The following PCDH11X variants were observed in gnomAD, a reference collection of about 807,000 sequenced individuals.
PCDH11X encodes protocadherin 11 X-linked, also known as protocadherin-11 X-linked.
Under a neutral mutation model 53.3 loss-of-function variants are expected in PCDH11X, and 18 were observed. That is an observed-to-expected ratio of 0.34 (90% CI 0.23 to 0.50). The LOEUF (loss-of-function observed/expected upper bound fraction) is 0.50. Among genes scored for constraint, PCDH11X ranks in the 20% least tolerant of loss-of-function variants. The pLI, the probability that PCDH11X is intolerant of heterozygous loss-of-function variation, is 0.98. For synonymous variants in PCDH11X, 279 were observed against 393.3 expected, an observed-to-expected ratio of 0.71 and a Z score of 3.44; for missense variants, 570 against 1,032.4, an observed-to-expected ratio of 0.55 and a Z score of 6.14.
chrX:92,388,604 A>T (rs1004641987), intron 9 of PCDH11X, among the ~76,000 whole-genome samples: 11 of 109,836 alleles, frequency 1.0e-4, no homozygotes, highest in Middle Eastern at 9.3e-3. Context: ...TTGCTGATTT[A>T]TAATTTCAGG....
At chrX:92,310,082 T>A (rs142467696) in intron 8 of PCDH11X, among the ~76,000 whole-genome samples, 1,291 of 112,122 alleles carry the variant, frequency 0.012, 8 homozygotes, top group Non-Finnish European at 0.018. Context: ...TTTCACCACC[T>A]GCTTCACTCT....
At chrX:92,388,977 CA>C (rs1479719125) in intron 9 of PCDH11X, among the ~76,000 whole-genome samples, 1 of 88,801 alleles carries the variant, frequency 1.1e-5, no homozygotes, top group South Asian at 6.3e-4. Flanking sequence ...ATTGGCTAAA[CA>C]TTATGATATA....
At chrX:91,930,034 T>C (rs1485328692) in intron 6 of PCDH11X, among the ~76,000 whole-genome samples, 1 of 109,548 alleles carries the variant, frequency 9.1e-6, no homozygotes, top group Non-Finnish European at 1.9e-5. Context: ...ATTATATAAT[T>C]AGTGTTAGCA....
intron 5 of PCDH11X, among the ~76,000 whole-genome samples, chrX:91,875,108 C>T (rs906138367): frequency 2.1e-4 from 23 of 109,815 alleles, no homozygotes; most frequent in Middle Eastern, 4.3e-3. Context: ...TTAAAGTCCT[C>T]CTCCGATCTT....
chrX:92,224,717 C>T (rs746981975), intron 7 of PCDH11X, among the ~76,000 whole-genome samples: 1 of 112,118 alleles, frequency 8.9e-6, no homozygotes, highest in Admixed American at 9.5e-5. Context: ...GCCCAATTCT[C>T]GAATGATTCA....
At chrX:92,206,066 C>CT (rs2066470617) in intron 7 of PCDH11X, among the ~76,000 whole-genome samples, 1 of 111,662 alleles carries the variant, frequency 9.0e-6, no homozygotes, top group South Asian at 3.7e-4. Flanking sequence ...ACAGGGAGTA[C>CT]TTTTTTCTTG....
At chrX:92,446,163 A>G (rs369895700) in intron 9 of PCDH11X, among the ~76,000 whole-genome samples, 102 of 110,302 alleles carry the variant, frequency 9.2e-4, no homozygotes, top group African/African-American at 3.2e-3. Context: ...TAAAAAAAAA[A>G]AAAAAAGAAT....
rs748463465 is a variant in PCDH11X at position 91,813,938 on chromosome X, G to C, written c.-45+2643G>C. ...TGAAGGTGCAATGTTGTTGTCAGCT[G>C]TAACAGGTTTTAATTATCTTTTTTA... is the stretch of plus-strand genomic sequence containing the variant. On this transcript the variant is annotated intron_variant, in intron 4 of 10. Transcript: ENST00000682573. Among the ~76,000 whole-genome samples the C allele has an allele frequency of 7.3e-4, 77 of 105,026 alleles. 1 individual carries two copies. Among genetic ancestry groups the C allele is most frequent in the African/African-American group, 2.6e-3 (74 of 28,984 alleles). The allele number at this position is 105,026 out of a possible 115,157, so 91.2% of individuals were successfully genotyped here.
intron 10 of PCDH11X, among the ~76,000 whole-genome samples, chrX:92,493,719 T>C (rs1275433559): frequency 2.0e-5 from 2 of 101,120 alleles, no homozygotes; most frequent in African/African-American, 7.3e-5. Flanking sequence ...TGATCTCGGC[T>C]CACTGCAACT....
chrX:92,406,459 C>G (rs1421943315), intron 9 of PCDH11X, among the ~76,000 whole-genome samples: 1 of 103,276 alleles, frequency 9.7e-6, no homozygotes, highest in Non-Finnish European at 1.9e-5. Flanking sequence ...ACTAGTCTAT[C>G]TGTCATGGAA....
chrX:92,381,362 T>C (rs1466966845), intron 8 of PCDH11X, among the ~76,000 whole-genome samples: 1 of 111,390 alleles, frequency 9.0e-6, no homozygotes, highest in Admixed American at 9.6e-5. Flanking sequence ...GTAAAAAAGA[T>C]GAAACAAACA....
chrX:91,875,596 GA>G (rs1264837947), intron 5 of PCDH11X, among the ~76,000 whole-genome samples: 5 of 110,580 alleles, frequency 4.5e-5, no homozygotes, highest in Non-Finnish European at 7.6e-5. Context: ...CGGCCGAGGG[GA>G]TTGTTTTTTA....
chrX:92,293,814 A>C (rs780737541), intron 8 of PCDH11X, among the ~76,000 whole-genome samples: 1 of 94,775 alleles, frequency 1.1e-5, no homozygotes, highest in South Asian at 5.8e-4. Context: ...CATCAAAAAC[A>C]AGGAAAACCT....
intron 8 of PCDH11X, among the ~76,000 whole-genome samples, chrX:92,309,778 C>T (rs1470363312): frequency 9.0e-6 from 1 of 111,701 alleles, no homozygotes; most frequent in Admixed American, 9.6e-5. Flanking sequence ...AAGGAAATCA[C>T]TTTCTAGTGG....
chrX:91,834,876 C>T, intron 4 of PCDH11X: 2 of 430,186 alleles, frequency 4.6e-6, no homozygotes, highest in Non-Finnish European at 5.8e-6. Flanking sequence ...TTAGTCACAT[C>T]AACCCCTCTC....
intron 6 of PCDH11X, among the ~76,000 whole-genome samples, chrX:91,958,627 C>T (rs984411238): frequency 4.5e-5 from 5 of 110,473 alleles, no homozygotes; most frequent in African/African-American, 1.7e-4. Context: ...CATCACCTTT[C>T]CCCACTTTTC....
chrX:91,834,665 G>T (rs1937229296), intron 4 of PCDH11X: 1 of 110,155 alleles, frequency 9.1e-6, no homozygotes, highest in Admixed American at 9.7e-5. Flanking sequence ...CTAATCTGGT[G>T]GTCCAGTACC....
chrX:92,385,480 G>T (rs1302282236), intron 8 of PCDH11X, among the ~76,000 whole-genome samples: 7 of 103,145 alleles, frequency 6.8e-5, no homozygotes, highest in Non-Finnish European at 1.4e-4. Flanking sequence ...GGTTTAATCA[G>T]ATAATACAGT....
chrX:91,851,023 T>C (rs1937978181), intron 5 of PCDH11X, among the ~76,000 whole-genome samples: 1 of 110,060 alleles, frequency 9.1e-6, no homozygotes, highest in Non-Finnish European at 1.9e-5. Flanking sequence ...GAAGATCAGC[T>C]TCCTGGTAGA....
Sources: gnomAD v4.1 joint callset for allele counts (sites outside exome capture counted in the v4.1 genomes callset) on GRCh38, gnomAD v4.1.1 for gene constraint, MANE v1.5 for transcripts, NCBI Gene and HGNC (gene_info 2026-07-23, HGNC 2026-07-21) for gene names.